Variants in RARS1 observed in about 807,000 individuals in gnomAD.
RARS1 encodes arginine--tRNA ligase, cytoplasmic.
Under a neutral mutation model 78.7 loss-of-function variants are expected in RARS1, and 75 were observed. The ratio of observed to expected loss-of-function variants is 0.95; its 90% CI spans 0.79 to 1.15. The LOEUF is 1.15. Ranked by LOEUF, RARS1 falls within the 50% of genes most tolerant of loss-of-function variation. The pLI is 0.00. For synonymous variants in RARS1, 273 were observed against 268.2 expected (o/e 1.02, Z -0.18); for missense variants, 787 against 787.5 (o/e 1.00, Z 0.01).
intron 7 of RARS1, among the ~76,000 whole-genome samples, chr5:168,500,334 G>A (rs1382169534): frequency 6.6e-6 from 1 of 151,972 alleles, no homozygotes; most frequent in Non-Finnish European, 1.5e-5. Flanking sequence ...AGTATTAGCT[G>A]AAGTAGACTT....
In RARS1 at chr5:168,518,069, G is replaced by GTGTTTTTTTTTTTT; in HGVS notation, c.1873+8_1873+9insGTTTTTTTTTTTTT. 3.0e-6 allele frequency: 2 copies of GTGTTTTTTTTTTTT among 675,706 alleles called. No individual in the cohort carries two copies. The highest frequency in any genetic ancestry group is 3.7e-6 in the Non-Finnish European group (2 of 533,968). The allele number at this position is 675,706 out of a possible 1,614,324, so 41.9% of individuals were successfully genotyped here. A position where few individuals can be genotyped will look rare whatever the true frequency, so the allele number is the denominator to read the frequency against. On this transcript the variant is annotated splice_region_variant and intron_variant, in intron 14 of 14. Coordinates refer to ENST00000231572, the MANE Select transcript of RARS1 (RefSeq NM_002887.4). ...GAGAAAGATAGACAGACTGGTGAGTGTCTTTTTTTTTTTTTTTTTTTTTTT... is the reference window on the plus strand; with the variant it reads ...GAGAAAGATAGACAGACTGGTGAGTGTGTTTTTTTTTTTTTCTTTTTTTTTTTTTTTTTTTTTTT...
chr5:168,492,729 T>C lies in RARS1; in HGVS notation c.251T>C (p.Phe84Ser). Residue 84 changes from phenylalanine (F) to serine (S), a missense_variant, in exon 3 of 15, where the codon TTT (phenylalanine) becomes TCT (serine). Phe to Ser is a radical substitution (Grantham distance 155). Transcript: ENST00000231572. ...INIISRLQEV[F>S]GHAIKAAYPD... is the part of the protein sequence containing the mutation. ...ATTATTAGCCGCCTACAAGAGGTCT[T>C]TGGTCATGCAATTAAGGCTGCATAT... The C allele has an allele frequency of 6.2e-7, 1 of 1,613,144 alleles. No homozygotes were observed. The highest frequency in any genetic ancestry group is 8.5e-7 in the Non-Finnish European group (1 of 1,179,076).
chr5:168,492,719 C>T lies in RARS1; in HGVS notation c.241C>T (p.Gln81Ter). Residue 81 changes from glutamine (Q) to a stop codon, truncating the protein, a stop_gained, in exon 3 of 15, where the codon CAA (glutamine) becomes TAA (stop). Coordinates refer to ENST00000231572, the MANE Select transcript of RARS1 (RefSeq NM_002887.4). LOFTEE classifies it high-confidence loss of function. ...TATGATTAACATTATTAGCCGCCTA[C>T]AAGAGGTCTTTGGTCATGCAATTAA... Reference protein sequence around the residue: ...KNMINIISRLQEVFGHAIKAA... With the variant: ...KNMINIISRL The T allele has an allele frequency of 6.2e-7, 1 of 1,612,782 alleles. No homozygotes were observed. Among genetic ancestry groups the T allele is most frequent in the South Asian group, 1.1e-5 (1 of 91,034 alleles).
chr5:168,515,792 T>C (rs1053176352), intron 12 of RARS1, among the ~76,000 whole-genome samples: 15 of 152,234 alleles, frequency 9.9e-5, no homozygotes, highest in African/African-American at 3.6e-4. Flanking sequence ...ACACAGCTGC[T>C]GAAATCACTG....
chr5:168,488,206 C>T (rs760866855), intron 1 of RARS1: 3 of 385,828 alleles, frequency 7.8e-6, no homozygotes, highest in South Asian at 5.6e-5. Context: ...CGACTCACCG[C>T]AACCTCAGCC....
chr5:168,493,664 G>A (rs12522512), intron 3 of RARS1, among the ~76,000 whole-genome samples: 6,094 of 150,320 alleles, frequency 0.041, 431 homozygotes, highest in Admixed American at 0.18. Context: ...ATAGTTCCAG[G>A]TATTTGTGTG....
chr5:168,515,266 G>T (rs1582442836), intron 12 of RARS1, among the ~76,000 whole-genome samples: 1 of 151,926 alleles, frequency 6.6e-6, no homozygotes, highest in South Asian at 2.1e-4. Context: ...TTCTCTCCTA[G>T]CCCTTTCTTT....
intron 7 of RARS1, among the ~76,000 whole-genome samples, chr5:168,497,667 G>T (rs1758226629): frequency 6.6e-6 from 1 of 151,238 alleles, no homozygotes; most frequent in African/African-American, 2.4e-5. Context: ...CAGACTAATT[G>T]ATAAACATAT....
chr5:168,502,145 C>T, intron 9 of RARS1, 40 bp downstream of exon 9: 1 of 1,566,300 alleles, frequency 6.4e-7, no homozygotes, highest in East Asian at 2.3e-5. Context: ...TGGAAATTTT[C>T]AAACATAGGC....
chr5:168,519,209 A>C lies in RARS1; in HGVS notation c.*19A>C. ...GATGTAATCCTTCATAGGTTTGAAC[A>C]CTGTGTGTTTTTACCAAAGTGGCCA... On this transcript the variant is annotated 3_prime_UTR_variant, in exon 15 of 15. Coordinates refer to ENST00000231572, the MANE Select transcript of RARS1 (RefSeq NM_002887.4). The C allele has an allele frequency of 6.3e-7, 1 of 1,584,492 alleles. No individual in the cohort carries two copies. The highest frequency in any genetic ancestry group is 1.1e-5 in the South Asian group (1 of 88,534).
intron 11 of RARS1, among the ~76,000 whole-genome samples, chr5:168,507,944 T>C (rs1317514937): frequency 6.6e-6 from 1 of 151,456 alleles, no homozygotes; most frequent in Non-Finnish European, 1.5e-5. Context: ...AAGGATTACT[T>C]GAGCATCGAC....
intron 4 of RARS1, 120 bp downstream of exon 4, chr5:168,494,122 A>G: frequency 8.0e-7 from 1 of 1,253,268 alleles, no homozygotes; most frequent in South Asian, 1.6e-5. Flanking sequence ...AGATGGTGAA[A>G]GCACTGTGGA....
chr5:168,502,125 C>G lies in RARS1; in HGVS notation c.1057+20C>G. The G allele has an allele frequency of 6.4e-7, 1 of 1,572,622 alleles. No individual in the cohort carries two copies. The highest frequency in any genetic ancestry group is 8.6e-7 in the Non-Finnish European group (1 of 1,165,362). ...ATAGAGGTAGGCACTCTTCTTTTAA[C>G]TTTTTATTATGGAAATTTTCAAACA... On this transcript the variant is annotated intron_variant, in intron 9 of 14. Coordinates refer to ENST00000231572, the MANE Select transcript of RARS1 (RefSeq NM_002887.4).
chr5:168,514,985 C>T (rs7709842), intron 12 of RARS1, among the ~76,000 whole-genome samples: 26,347 of 152,026 alleles, frequency 0.17, 2,810 homozygotes, highest in Admixed American at 0.3. Flanking sequence ...GTCTTATAAG[C>T]TGTACTCTGT....
Position 168,493,926 on chromosome 5 carries a change from A to C in RARS1, c.402A>C (p.Pro134=). 6.2e-7 allele frequency: 1 copy of C among 1,613,490 alleles called. No individual in the cohort carries two copies. The highest frequency in any genetic ancestry group is 1.1e-5 in the South Asian group (1 of 91,030). ...MLKTKEQKVN[P]REIAENITKH... is the part of the protein sequence containing the mutation. ...AAACCAAGGAACAGAAAGTTAATCC[A>C]AGAGAAATTGCTGAAAACATTACCA... Residue 134 remains proline, a synonymous_variant, in exon 4 of 15, where the codon CCA becomes CCC. Transcript: ENST00000231572.
chr5:168,502,608 G>C (rs1479367035), intron 9 of RARS1, among the ~76,000 whole-genome samples: 1 of 128,746 alleles, frequency 7.8e-6, no homozygotes, highest in East Asian at 2.2e-4. Flanking sequence ...GTCTTACTCT[G>C]TCGCCTAGGC....
chr5:168,507,021 A>C (rs1758462036), intron 11 of RARS1, among the ~76,000 whole-genome samples, 190 bp downstream of exon 11: 1 of 152,206 alleles, frequency 6.6e-6, no homozygotes, highest in South Asian at 2.1e-4. Flanking sequence ...TTTTAGGTAG[A>C]TAGTATGTAC....
At chr5:168,517,479 A>G (rs946436341) in intron 13 of RARS1, among the ~76,000 whole-genome samples, 3 of 152,148 alleles carry the variant, frequency 2.0e-5, no homozygotes, top group South Asian at 2.1e-4. Flanking sequence ...TCTGCCTACA[A>G]GCATCTTTGG....
At chr5:168,492,909 A>C in intron 3 of RARS1, 62 bp downstream of exon 3, 1 of 1,317,870 alleles carries the variant, frequency 7.6e-7, no homozygotes, top group South Asian at 1.6e-5. Flanking sequence ...CATCATTGCC[A>C]TTTACAGAAA....
Sources: gnomAD v4.1 joint callset for allele counts (sites outside exome capture counted in the v4.1 genomes callset) on GRCh38, gnomAD v4.1.1 for gene constraint, MANE v1.5 for transcripts, NCBI Gene and HGNC (gene_info 2026-07-23, HGNC 2026-07-21) for gene names.